PTPRD: variants seen among roughly 807,000 people sequenced by gnomAD.
PTPRD encodes the protein protein tyrosine phosphatase receptor type D.
In PTPRD, 34 loss-of-function variants were observed where a neutral mutation model predicts 214.5. The observed-to-expected ratio is 0.16, with a 90% CI of 0.12 to 0.21. The LOEUF is 0.21. Among genes scored for constraint, PTPRD ranks in the 10% least tolerant of loss-of-function variants. PTPRD has a pLI of 1.00. For missense variants in PTPRD, 2,545 were observed against 2,398.7 expected, an observed-to-expected ratio of 1.06 and a Z score of -1.27; for synonymous variants, 1,128 against 845.7, an observed-to-expected ratio of 1.33 and a Z score of -5.79.
intron 35 of PTPRD, among the ~76,000 whole-genome samples, chr9:8,427,253 C>T (rs2094741664): frequency 6.6e-6 from 1 of 152,088 alleles, no homozygotes; most frequent in Admixed American, 6.6e-5. Flanking sequence ...ATAGTAATAG[C>T]CTATTTTCTG....
chr9:10,210,796 C>T (rs1013345676), intron 3 of PTPRD, among the ~76,000 whole-genome samples: 29 of 76,730 alleles, frequency 3.8e-4, no homozygotes, highest in Non-Finnish European at 6.1e-4. Flanking sequence ...CAAAAAACTT[C>T]ATATATATAT....
At chr9:8,436,833 T>C (rs984317860) in intron 34 of PTPRD, 144 bp from the exon 35 acceptor site, 9 of 662,942 alleles carry the variant, frequency 1.4e-5, no homozygotes, top group Non-Finnish European at 2.0e-5. Flanking sequence ...AGCAGGCAAA[T>C]AGTTTGGTTA....
chr9:9,622,907 A>G (rs1490203942), intron 7 of PTPRD, among the ~76,000 whole-genome samples: 1 of 152,166 alleles, frequency 6.6e-6, no homozygotes, highest in Non-Finnish European at 1.5e-5. Context: ...CCATGAGTAT[A>G]CAGCCTCAAG....
chr9:8,339,228 G>C (rs529982114), intron 42 of PTPRD, among the ~76,000 whole-genome samples, 181 bp from the exon 43 acceptor site: 1 of 152,168 alleles, frequency 6.6e-6, no homozygotes, highest in African/African-American at 2.4e-5. Flanking sequence ...CCTTCATAGG[G>C]AAACCCTTTG....
intron 8 of PTPRD, among the ~76,000 whole-genome samples, chr9:9,446,583 A>G (rs1159317334): frequency 6.6e-6 from 1 of 152,130 alleles, no homozygotes; most frequent in Non-Finnish European, 1.5e-5. Context: ...TTGAGGGCAC[A>G]TTATTGAGCA....
chr9:9,236,298 G>C (rs149423431), intron 9 of PTPRD, among the ~76,000 whole-genome samples: 4 of 152,164 alleles, frequency 2.6e-5, no homozygotes, highest in African/African-American at 9.6e-5. Context: ...AATTATTTGA[G>C]AGAGCTCTCA....
chr9:10,044,064 A>G lies in PTPRD; in HGVS notation c.-544-10274T>C, dbSNP rs1268194936. ...ACATGAGAGAGAGGAGGTCTGTCTC[A>G]GGAATGTCATGAAAGATACCAGGGG... On this transcript the variant is annotated intron_variant, in intron 3 of 45. Transcript: ENST00000381196. Among the ~76,000 whole-genome samples the G allele has an allele frequency of 2.6e-5, 4 of 151,754 alleles. No homozygotes were observed. The East Asian group carries it at 5.8e-4, about 22-fold the overall frequency.
chr9:8,433,740 G>A (rs1398826556), intron 35 of PTPRD, among the ~76,000 whole-genome samples: 1 of 152,154 alleles, frequency 6.6e-6, no homozygotes, highest in Non-Finnish European at 1.5e-5. Context: ...TCAAAAGAGA[G>A]TCAAAAAGTT....
intron 2 of PTPRD, among the ~76,000 whole-genome samples, chr9:10,431,685 A>C (rs2098680452): frequency 6.6e-6 from 1 of 152,176 alleles, no homozygotes; most frequent in Admixed American, 6.6e-5. Context: ...ACATGAAAAA[A>C]TGCTCGTCAT....
intron 10 of PTPRD, among the ~76,000 whole-genome samples, chr9:9,026,300 G>A (rs1036759289): frequency 2.6e-5 from 4 of 151,990 alleles, no homozygotes; most frequent in Admixed American, 2.0e-4. Flanking sequence ...GCTGCAGCAT[G>A]TTGAGGCATG....
intron 3 of PTPRD, among the ~76,000 whole-genome samples, chr9:10,086,275 G>A (rs1016407670): frequency 6.6e-6 from 1 of 151,554 alleles, no homozygotes; most frequent in South Asian, 2.1e-4. Flanking sequence ...AATAGTATAC[G>A]ACTGATCCCC....
intron 8 of PTPRD, among the ~76,000 whole-genome samples, chr9:9,495,983 T>A (rs2096166899): frequency 6.6e-6 from 1 of 152,142 alleles, no homozygotes; most frequent in Non-Finnish European, 1.5e-5. Context: ...TGAAGCTTGC[T>A]CCTGTGTCAG....
At chr9:10,505,964 G>T (rs188653768) in intron 2 of PTPRD, among the ~76,000 whole-genome samples, 4 of 152,074 alleles carry the variant, frequency 2.6e-5, no homozygotes, top group Non-Finnish European at 5.9e-5. Context: ...AGTGATCATA[G>T]TCTTGAGGTA....
chr9:9,133,324 T>C (rs1037505023), intron 10 of PTPRD, among the ~76,000 whole-genome samples: 1 of 152,204 alleles, frequency 6.6e-6, no homozygotes, highest in African/African-American at 2.4e-5. Context: ...TTTCCTAAAA[T>C]TTATTTTAAT....
intron 25 of PTPRD, among the ~76,000 whole-genome samples, chr9:8,499,168 G>C (rs2097341885): frequency 6.6e-6 from 1 of 152,120 alleles, no homozygotes; most frequent in Non-Finnish European, 1.5e-5. Context: ...ATTTGATGAA[G>C]AAGTACTAAA....
chr9:9,074,779 T>C (rs2099748642), intron 10 of PTPRD, among the ~76,000 whole-genome samples: 1 of 151,882 alleles, frequency 6.6e-6, no homozygotes, highest in South Asian at 2.1e-4. Flanking sequence ...TCATGAGATG[T>C]ACGGTTTGCA....
chr9:10,223,895 T>A (rs1382093063), intron 3 of PTPRD, among the ~76,000 whole-genome samples: 2 of 151,656 alleles, frequency 1.3e-5, no homozygotes, highest in Non-Finnish European at 2.9e-5. Flanking sequence ...TACACACTAT[T>A]CTTCATCACA....
In PTPRD at chr9:8,317,800, C is replaced by T. The variant is rs1822964453; in HGVS notation, c.*74G>A. ...GAAGTTAAGAAGGACTTCTCAAGTG[C>T]CCTGTATGGCTCAGAAGAGACTCCA... On this transcript the variant is annotated 3_prime_UTR_variant, in exon 46 of 46. Transcript: ENST00000381196. 3 of 1,361,390 alleles carry T rather than the reference C, an allele frequency of 2.2e-6. No homozygotes were observed. Among genetic ancestry groups the T allele is most frequent in the Non-Finnish European group, 3.1e-6 (3 of 953,888 alleles). The allele number at this position is 1,361,390 out of a possible 1,614,324, so 84.3% of individuals were successfully genotyped here.
intron 9 of PTPRD, among the ~76,000 whole-genome samples, chr9:9,331,046 G>C (rs184109878): frequency 2.6e-5 from 4 of 152,100 alleles, no homozygotes; most frequent in Non-Finnish European, 5.9e-5. Flanking sequence ...AACTTGCTCA[G>C]ATAAGAGTCT....
Sources: allele counts gnomAD v4.1 joint callset (sites outside exome capture counted in the v4.1 genomes callset), GRCh38; gene constraint gnomAD v4.1.1; transcripts MANE v1.5; gene names NCBI Gene and HGNC (gene_info 2026-07-23, HGNC 2026-07-21).